SHFL: variants seen among roughly 807,000 people sequenced by gnomAD.
SHFL encodes shiftless antiviral inhibitor of ribosomal frameshifting.
Under a neutral mutation model 34.7 loss-of-function variants are expected in SHFL, and 12 were observed. That is an observed-to-expected ratio of 0.35 (90% CI 0.22 to 0.56). The LOEUF (loss-of-function observed/expected upper bound fraction) is 0.56, where lower values mean the gene tolerates loss of function less well. SHFL is among the 20% of genes least tolerant of loss of function. The pLI is 0.88. For missense variants in SHFL, 278 were observed against 411.1 expected, an observed-to-expected ratio of 0.68 and a Z score of 2.80; for synonymous variants, 148 against 156.0, an observed-to-expected ratio of 0.95 and a Z score of 0.38.
At position 10,086,749 on chromosome 19, in the gene SHFL, A is replaced by G. The variant is rs1599271741; in HGVS notation, c.22-180A>G. 1.1e-5 allele frequency: 8 copies of G among 730,528 alleles called. No homozygotes were observed. The East Asian group carries it at 2.0e-4, about 19-fold the overall frequency. 45.3% of individuals were successfully genotyped at this position (730,528 alleles called of 1,614,324 possible). ...TCGCCCCAGTCCGCGCCTTCCCCCA[A>G]CGCCCTGTGGGGACTTTGGCTTTTT... On this transcript the variant is annotated intron_variant, in intron 1 of 7. Coordinates refer to ENST00000253110, the MANE Select transcript of SHFL (RefSeq NM_018381.4). This position sits in a 1 kb window ranked among gnomAD's most constrained non-coding sequence, Gnocchi z 5.2.
At position 10,091,496 on chromosome 19, in the gene SHFL, C is replaced by A. The variant is rs2088388083; in HGVS notation, c.509C>A (p.Ser170Tyr). 1.3e-6 allele frequency: 2 copies of A among 1,541,358 alleles called. No individual in the cohort carries two copies. Among genetic ancestry groups the A allele is most frequent in the African/African-American group, 1.4e-5 (1 of 72,778 alleles). ...HNFRGWAQMG[S>Y]PSPCYGCGFP... ...CCCAGGGGCTGGGCACAGATGGGGTCCCCGTCCCCCTGCTACGGGTGCGGC... is the reference window on the plus strand; with the variant it reads ...CCCAGGGGCTGGGCACAGATGGGGTACCCGTCCCCCTGCTACGGGTGCGGC... Residue 170 changes from serine to tyrosine, a missense_variant, in exon 7 of 8, where the codon TCC (serine) becomes TAC (tyrosine). Transcript: ENST00000253110. The surrounding 1 kb of genome is among the most constrained non-coding windows in gnomAD (Gnocchi z 8.2).
rs542423965 is a variant in SHFL at position 10,091,059 on chromosome 19, T to A, written c.385-191T>A. On this transcript the variant is annotated intron_variant, in intron 5 of 7. Transcript: ENST00000253110. This position sits in a 1 kb window ranked among gnomAD's most constrained non-coding sequence, Gnocchi z 8.2. Reference sequence around the variant, plus strand: ...AGGCAGGAAGCCAAGATGTGTAGTGTTTGCCAATTTCTGTGGTGTAAATAT... The same window carrying A: ...AGGCAGGAAGCCAAGATGTGTAGTGATTGCCAATTTCTGTGGTGTAAATAT... Among the ~76,000 whole-genome samples the A allele has an allele frequency of 1.3e-5, 2 of 152,290 alleles. No individual in the cohort carries two copies. The highest frequency in any genetic ancestry group is 3.9e-4 in the East Asian group (2 of 5,182).
rs79503323 is a variant in SHFL at position 10,086,812 on chromosome 19, G to T, written c.22-117G>T. ...GTAAAGGGATGAAAGGCGGGGGGGG[G>T]GCGGCGGAGGCCAAAACCAAGGGTC... On this transcript the variant is annotated intron_variant, in intron 1 of 7. Transcript: ENST00000253110. The surrounding 1 kb of genome is among the most constrained non-coding windows in gnomAD (Gnocchi z 5.2). The T allele has an allele frequency of 1.6e-5, 19 of 1,210,430 alleles. 1 individual carries two copies. Among genetic ancestry groups the T allele is most frequent in the Admixed American group, 9.8e-5 (4 of 41,000 alleles). The allele number at this position is 1,210,430 out of a possible 1,614,324, so 75.0% of individuals were successfully genotyped here. A position where few individuals can be genotyped will look rare whatever the true frequency, so the allele number is the denominator to read the frequency against.
Position 10,091,756 on chromosome 19 carries a change from T to A in SHFL, c.643+126T>A. ...AGCCACTGCTTCCACATGGCCTCCA[T>A]GACCCCCCAGTCTCCGTGGTCTTGC... On this transcript the variant is annotated intron_variant, in intron 7 of 7. Transcript: ENST00000253110. This position sits in a 1 kb window ranked among gnomAD's most constrained non-coding sequence, Gnocchi z 8.2. The A allele has an allele frequency of 7.7e-7, 1 of 1,306,314 alleles. No individual in the cohort carries two copies. Among genetic ancestry groups the A allele is most frequent in the Non-Finnish European group, 1.0e-6 (1 of 968,790 alleles). The allele number at this position is 1,306,314 out of a possible 1,614,324, so 80.9% of individuals were successfully genotyped here.
Position 10,093,110 on chromosome 19 carries a change from T to C in SHFL, c.*808T>C. The stretch of plus-strand genomic sequence containing the variant: ...AATAAGAGTACTAGCTCTCACCCTC[T>C]GCCCTTTACTTGAACAGGAGTCTTG... On this transcript the variant is annotated 3_prime_UTR_variant, in exon 8 of 8. Coordinates refer to ENST00000253110, the MANE Select transcript of SHFL (RefSeq NM_018381.4). 1.8e-6 allele frequency: 1 copy of C among 563,742 alleles called. No homozygotes were observed. The highest frequency in any genetic ancestry group is 3.1e-6 in the Non-Finnish European group (1 of 322,880). 34.9% of individuals were successfully genotyped at this position (563,742 alleles called of 1,614,324 possible). A position where few individuals can be genotyped will look rare whatever the true frequency, so the allele number is the denominator to read the frequency against.
At position 10,091,309 on chromosome 19, in the gene SHFL, G is replaced by A; in HGVS notation, c.444G>A (p.Trp148Ter). Reference sequence around the variant, plus strand: ...AGCCAGTGCCAGCTGACAAGATGTGGGGCCTGGCTGAGTTCCACTGCCCGA... The same window carrying A: ...AGCCAGTGCCAGCTGACAAGATGTGAGGCCTGGCTGAGTTCCACTGCCCGA... ...RYEPVPADKM[W>*]GLAEFHCPKC... is the part of the protein sequence containing the mutation. The change falls in exon 6 of 8, where the codon TGG (tryptophan) becomes TGA (stop). Residue 148 changes from tryptophan (W) to a stop codon, truncating the protein, a stop_gained. Coordinates refer to ENST00000253110, the MANE Select transcript of SHFL (RefSeq NM_018381.4). LOFTEE classifies it high-confidence loss of function. This position sits in a 1 kb window ranked among gnomAD's most constrained non-coding sequence, Gnocchi z 8.2. 6.2e-7 allele frequency: 1 copy of A among 1,613,896 alleles called. No homozygotes were observed. The highest frequency in any genetic ancestry group is 8.5e-7 in the Non-Finnish European group (1 of 1,179,844).
In SHFL at chr19:10,093,029, A is replaced by G; in HGVS notation, c.*727A>G. On this transcript the variant is annotated 3_prime_UTR_variant, in exon 8 of 8. Transcript: ENST00000253110. Reference sequence around the variant, plus strand: ...CACATCTTTCCCACCTTTTCTGCAAACTAGGAGTCTACCGTTCATTCCTTT... The same window carrying G: ...CACATCTTTCCCACCTTTTCTGCAAGCTAGGAGTCTACCGTTCATTCCTTT... The G allele has an allele frequency of 2.0e-6, 1 of 490,024 alleles. No individual in the cohort carries two copies. Among genetic ancestry groups the G allele is most frequent in the East Asian group, 3.1e-5 (1 of 32,288 alleles). The allele number at this position is 490,024 out of a possible 1,614,324, so 30.4% of individuals were successfully genotyped here. A position where few individuals can be genotyped will look rare whatever the true frequency, so the allele number is the denominator to read the frequency against.
In SHFL at chr19:10,092,053, C is replaced by T. The variant is rs1165059200; in HGVS notation, c.644-17C>T. ...GGGACCTCCAGCCCCATGTCTGCAG[C>T]ACCTCTCCCTCCCTAGAGCCCCACG... On this transcript the variant is annotated splice_polypyrimidine_tract_variant and intron_variant, in intron 7 of 7. Coordinates refer to ENST00000253110, the MANE Select transcript of SHFL (RefSeq NM_018381.4). 1 of 1,613,514 alleles carries T rather than the reference C, an allele frequency of 6.2e-7. No individual in the cohort carries two copies. Among genetic ancestry groups the T allele is most frequent in the Admixed American group, 1.7e-5 (1 of 59,910 alleles).
Position 10,090,120 on chromosome 19 carries a change from T to C in SHFL, c.384+73T>C, listed in dbSNP as rs553517880. On this transcript the variant is annotated intron_variant, in intron 5 of 7. Transcript: ENST00000253110. ...TCCTGACTCCTATCCTCAGTGACTG[T>C]ACCTCTGACCTAAGGATTTCAATCA... 16 of 1,474,430 alleles carry C rather than the reference T, an allele frequency of 1.1e-5. No homozygotes were observed. In the African/African-American group the frequency reaches 1.9e-4, roughly 18 times the overall value. 91.3% of individuals were successfully genotyped at this position (1,474,430 alleles called of 1,614,324 possible). A position where few individuals can be genotyped will look rare whatever the true frequency, so the allele number is the denominator to read the frequency against.
chr19:10,091,155 A>T lies in SHFL; in HGVS notation c.385-95A>T. The T allele has an allele frequency of 9.3e-7, 1 of 1,070,998 alleles. No individual in the cohort carries two copies. The highest frequency in any genetic ancestry group is 1.4e-6 in the Non-Finnish European group (1 of 723,372). 66.3% of individuals were successfully genotyped at this position (1,070,998 alleles called of 1,614,324 possible). ...GAGTTGGGTTGCTCAAGCTGAGGCC[A>T]GCCGCTGCAGCACACTGCTAGCCCT... On this transcript the variant is annotated intron_variant, in intron 5 of 7. Transcript: ENST00000253110. This position sits in a 1 kb window ranked among gnomAD's most constrained non-coding sequence, Gnocchi z 8.2.
intron 5 of SHFL, among the ~76,000 whole-genome samples, chr19:10,090,845 C>A (rs1413258012): frequency 6.6e-6 from 1 of 151,524 alleles, no homozygotes; most frequent in African/African-American, 2.4e-5. Context: ...GAGGTCGAGG[C>A]TGCAGTAAGC....
chr19:10,090,981 C>A (rs1295625230), intron 5 of SHFL, among the ~76,000 whole-genome samples: 2 of 152,076 alleles, frequency 1.3e-5, no homozygotes, highest in African/African-American at 4.8e-5. Flanking sequence ...GGCTTCTGAA[C>A]CTCCTGACTA....
intron 3 of SHFL, chr19:10,088,953 TATAATAATAATA>T (rs76308973): frequency 0.17 from 23,729 of 136,780 alleles, 2,228 homozygotes; most frequent in East Asian, 0.32. Flanking sequence ...GTCTCAAAAA[TATAATAATAATA>T]ATAATAATAA....
rs552291695 is a variant in SHFL at position 10,091,414 on chromosome 19, T to C, written c.488+61T>C. ...GCCCTACCCCAGCCCTGCCCCTCCCTGCCCTGGCCCCACCCTGGCCCAGCC... is the reference window on the plus strand; with the variant it reads ...GCCCTACCCCAGCCCTGCCCCTCCCCGCCCTGGCCCCACCCTGGCCCAGCC... On this transcript the variant is annotated intron_variant, in intron 6 of 7. Transcript: ENST00000253110. The surrounding 1 kb of genome is among the most constrained non-coding windows in gnomAD (Gnocchi z 8.2). The C allele has an allele frequency of 5.0e-6, 4 of 796,934 alleles. No individual in the cohort carries two copies. The East Asian group carries it at 1.7e-4, about 33-fold the overall frequency. 49.4% of individuals were successfully genotyped at this position (796,934 alleles called of 1,614,324 possible). A position where few individuals can be genotyped will look rare whatever the true frequency, so the allele number is the denominator to read the frequency against.
rs558063401 is a variant in SHFL at position 10,086,808 on chromosome 19, G to C, written c.22-121G>C. On this transcript the variant is annotated intron_variant, in intron 1 of 7. Transcript: ENST00000253110. The surrounding 1 kb of genome is among the most constrained non-coding windows in gnomAD (Gnocchi z 5.2). ...TGCCGTAAAGGGATGAAAGGCGGGG[G>C]GGGGGCGGCGGAGGCCAAAACCAAG... is the stretch of plus-strand genomic sequence containing the variant. 287 of 1,196,412 alleles carry C rather than the reference G, an allele frequency of 2.4e-4. No homozygotes were observed. The highest frequency in any genetic ancestry group is 3.2e-4 in the Non-Finnish European group (270 of 856,620). The allele number at this position is 1,196,412 out of a possible 1,614,324, so 74.1% of individuals were successfully genotyped here. A position where few individuals can be genotyped will look rare whatever the true frequency, so the allele number is the denominator to read the frequency against.
chr19:10,091,809 T>A lies in SHFL; in HGVS notation c.643+179T>A. 1 of 1,026,788 alleles carries A rather than the reference T, an allele frequency of 9.7e-7. No individual in the cohort carries two copies. Among genetic ancestry groups the A allele is most frequent in the Non-Finnish European group, 1.4e-6 (1 of 727,360 alleles). The allele number at this position is 1,026,788 out of a possible 1,614,324, so 63.6% of individuals were successfully genotyped here. A position where few individuals can be genotyped will look rare whatever the true frequency, so the allele number is the denominator to read the frequency against. Reference sequence around the variant, plus strand: ...AGGAGGCTCTGAGGTTTCACCCCAGTGGCCCGTGCCTGAGGGTCCCCATGG... The same window carrying A: ...AGGAGGCTCTGAGGTTTCACCCCAGAGGCCCGTGCCTGAGGGTCCCCATGG... On this transcript the variant is annotated intron_variant, in intron 7 of 7. Coordinates refer to ENST00000253110, the MANE Select transcript of SHFL (RefSeq NM_018381.4). The surrounding 1 kb of genome is among the most constrained non-coding windows in gnomAD (Gnocchi z 8.2).
chr19:10,093,005 A>G lies in SHFL; in HGVS notation c.*703A>G. The stretch of plus-strand genomic sequence containing the variant: ...CTATCTCCTTACCAAAGTACAAGTC[A>G]CATCTTTCCCACCTTTTCTGCAAAC... On this transcript the variant is annotated 3_prime_UTR_variant, in exon 8 of 8. Transcript: ENST00000253110. The G allele has an allele frequency of 2.0e-6, 1 of 493,678 alleles. No homozygotes were observed. Among genetic ancestry groups the G allele is most frequent in the Non-Finnish European group, 3.5e-6 (1 of 283,860 alleles). 30.6% of individuals were successfully genotyped at this position (493,678 alleles called of 1,614,324 possible).
chr19:10,092,376 C>T lies in SHFL; in HGVS notation c.*74C>T. 1.3e-6 allele frequency: 2 copies of T among 1,532,400 alleles called. No individual in the cohort carries two copies. The highest frequency in any genetic ancestry group is 1.7e-6 in the Non-Finnish European group (2 of 1,143,312). 94.9% of individuals were successfully genotyped at this position (1,532,400 alleles called of 1,614,324 possible). On this transcript the variant is annotated 3_prime_UTR_variant, in exon 8 of 8. Transcript: ENST00000253110. ...TGTTATTATAAGATATGAGCTCAAA[C>T]CGAGATATGAATGACCTTGGGGAGC...
intron 3 of SHFL, chr19:10,089,309 G>A (rs746453056): frequency 1.1e-5 from 17 of 1,598,142 alleles, no homozygotes; most frequent in East Asian, 2.2e-5. Flanking sequence ...CCACTTAGCC[G>A]AGCACAACGT....
Sources: gnomAD v4.1 joint callset for allele counts (sites outside exome capture counted in the v4.1 genomes callset) on GRCh38, gnomAD v4.1.1 for gene constraint, Gnocchi (gnomAD v3.1) non-coding constraint, MANE v1.5 for transcripts, NCBI Gene and HGNC (gene_info 2026-07-23, HGNC 2026-07-21) for gene names.